MBNL1: variants seen among roughly 807,000 people sequenced by gnomAD.
MBNL1 encodes muscleblind like splicing regulator 1.
A neutral mutation model predicts 42.2 loss-of-function variants in MBNL1; 8 were observed. The observed-to-expected ratio is 0.19, with a 90% confidence interval of 0.11 to 0.34. MBNL1 has a LOEUF of 0.34. MBNL1 is among the 10% of genes least tolerant of loss of function. MBNL1 has a pLI of 1.00. For synonymous variants in MBNL1, 169 were observed against 173.9 expected (o/e 0.97, Z 0.22); for missense variants, 309 against 495.3 (o/e 0.62, Z 3.57).
chr3:152,325,940 C>T (rs186571169), intron 2 of MBNL1, among the ~76,000 whole-genome samples: 11 of 152,082 alleles, frequency 7.2e-5, no homozygotes, highest in African/African-American at 9.6e-5. Flanking sequence ...TGCATGTATC[C>T]GTATGTGCAT....
intron 1 of MBNL1, among the ~76,000 whole-genome samples, chr3:152,272,611 A>G (rs2042557217): frequency 6.6e-6 from 1 of 152,080 alleles, no homozygotes; most frequent in Non-Finnish European, 1.5e-5. Flanking sequence ...TCCTGAGCAA[A>G]TGTTAATAAA....
chr3:152,350,106 C>CCAG (rs2094784826), intron 2 of MBNL1, among the ~76,000 whole-genome samples: 1 of 151,944 alleles, frequency 6.6e-6, no homozygotes, highest in Non-Finnish European at 1.5e-5. Context: ...CTCTCTATAA[C>CCAG]CAGCAGTCAG....
chr3:152,381,190 A>T (rs927630933), intron 2 of MBNL1, among the ~76,000 whole-genome samples: 7 of 152,066 alleles, frequency 4.6e-5, no homozygotes, highest in Non-Finnish European at 1.0e-4. Context: ...GTTACTTGTA[A>T]CAAAGACTGG....
intron 2 of MBNL1, among the ~76,000 whole-genome samples, chr3:152,409,051 T>G (rs145384942): frequency 6.6e-6 from 1 of 152,302 alleles, no homozygotes; most frequent in African/African-American, 2.4e-5. Flanking sequence ...AGAGCAACAA[T>G]ATACTTCGTG....
intron 2 of MBNL1, among the ~76,000 whole-genome samples, chr3:152,412,046 A>G (rs2098593499): frequency 6.6e-6 from 1 of 152,184 alleles, no homozygotes; most frequent in Non-Finnish European, 1.5e-5. Context: ...GGGCTCAGAG[A>G]TGGATGAAGC....
Position 152,464,663 on chromosome 3 carries a change from TAATC to T in MBNL1, c.*2301_*2304del, listed in dbSNP as rs1436310897. 2 of 152,580 alleles carry T rather than the reference TAATC, an allele frequency of 1.3e-5. No homozygotes were observed. Among genetic ancestry groups the T allele is most frequent in the African/African-American group, 4.8e-5 (2 of 41,456 alleles). The allele number at this position is 152,580 out of a possible 1,614,324, so 9.5% of individuals were successfully genotyped here. On this transcript the variant is annotated 3_prime_UTR_variant, in exon 10 of 10. Coordinates refer to ENST00000324210, the MANE Select transcript of MBNL1 (RefSeq NM_021038.5). ...CAGGCCTTGTTATAAATAAGCTGCA[TAATC>T]AATAAATAGAACAAGGGACTTTTTG...
At chr3:152,438,041 A>G (rs2099101954) in intron 4 of MBNL1, among the ~76,000 whole-genome samples, 2 of 152,168 alleles carry the variant, frequency 1.3e-5, no homozygotes, top group Non-Finnish European at 2.9e-5. Flanking sequence ...AAATCTGTAG[A>G]GTCTAGGAAA....
Position 152,300,045 on chromosome 3 carries a change from T to C in MBNL1, c.-149T>C, listed in dbSNP as rs189258831. The C allele has an allele frequency of 1.5e-3, 810 of 528,232 alleles. 4 individuals carry two copies. Among genetic ancestry groups the C allele is most frequent in the South Asian group, 0.012 (399 of 33,962 alleles). 32.7% of individuals were successfully genotyped at this position (528,232 alleles called of 1,614,324 possible). A position where few individuals can be genotyped will look rare whatever the true frequency, so the allele number is the denominator to read the frequency against. ...TTGATATTGACGACACAATTTTCCA[T>C]GTACTTTTAAAGCAGGGAGTGGGGA... On this transcript the variant is annotated 5_prime_UTR_variant, in exon 2 of 10. An upstream start codon of the reference 5' UTR is lost. Coordinates refer to ENST00000324210, the MANE Select transcript of MBNL1 (RefSeq NM_021038.5).
intron 2 of MBNL1, chr3:152,396,173 C>G: frequency 2.7e-6 from 1 of 368,686 alleles, no homozygotes; most frequent in Non-Finnish European, 5.5e-6. Flanking sequence ...CCAGATAGGA[C>G]CATCTAGTTG....
chr3:152,418,959 G>T (rs189409571), intron 3 of MBNL1, among the ~76,000 whole-genome samples: 13 of 151,786 alleles, frequency 8.6e-5, no homozygotes, highest in African/African-American at 2.4e-4. Context: ...CTTGTGATCC[G>T]CCTGCCACAG....
intron 1 of MBNL1, among the ~76,000 whole-genome samples, chr3:152,297,025 G>A (rs2058797172): frequency 6.6e-6 from 1 of 152,142 alleles, no homozygotes; most frequent in Non-Finnish European, 1.5e-5. Flanking sequence ...GGATAGAGAT[G>A]GGGATAATGA....
intron 2 of MBNL1, chr3:152,396,163 C>T: frequency 2.8e-6 from 1 of 362,714 alleles, no homozygotes; most frequent in Non-Finnish European, 5.6e-6. Context: ...CCTGTCACCC[C>T]CAGATAGGAC....
rs1426813150 is a variant in MBNL1, at chr3:152,384,192, G to A, written c.175-30749G>A. On this transcript the variant is annotated intron_variant, in intron 2 of 9. Transcript: ENST00000324210. Reference sequence around the variant, plus strand: ...ACTTTGGGAAGGGTGATCCATGGAGGCAGAATGTACCAAACTGCCTAGAGG... The same window carrying A: ...ACTTTGGGAAGGGTGATCCATGGAGACAGAATGTACCAAACTGCCTAGAGG... Among the ~76,000 whole-genome samples the A allele has an allele frequency of 3.3e-5, 5 of 152,198 alleles. No homozygotes were observed. In the East Asian group the frequency reaches 9.6e-4, roughly 29 times the overall value.
chr3:152,433,282 G>C (rs1167011435), intron 4 of MBNL1, among the ~76,000 whole-genome samples: 4 of 152,042 alleles, frequency 2.6e-5, no homozygotes, highest in African/African-American at 9.7e-5. Context: ...TGTTGTTGTT[G>C]TTGCAGCTAT....
intron 2 of MBNL1, among the ~76,000 whole-genome samples, chr3:152,342,622 C>T (rs1023538807): frequency 5.3e-5 from 8 of 150,932 alleles, no homozygotes; most frequent in Non-Finnish European, 8.9e-5. Flanking sequence ...AAGCAAAACT[C>T]GTGCTCTTTC....
At chr3:152,447,443 CTTT>C (rs759856709) in intron 5 of MBNL1, among the ~76,000 whole-genome samples, 174 bp from the exon 6 acceptor site, 4 of 133,776 alleles carry the variant, frequency 3.0e-5, no homozygotes, top group African/African-American at 1.1e-4. Flanking sequence ...TTTTATCTTG[CTTT>C]TTTTTTTTTT....
At position 152,335,025 on chromosome 3, in the gene MBNL1, C is replaced by G. The variant is rs186791931; in HGVS notation, c.174+34658C>G. On this transcript the variant is annotated intron_variant, in intron 2 of 9. Coordinates refer to ENST00000324210, the MANE Select transcript of MBNL1 (RefSeq NM_021038.5). ...AGGAGATGGGTCTAAATGGTCTGCT[C>G]CAGCTTCTGCTGCTGCTGCTGCTGC... 5.9e-6 allele frequency: 7 copies of G among 1,182,694 alleles called. No homozygotes were observed. The East Asian group carries it at 3.5e-4, about 58-fold the overall frequency. 73.3% of individuals were successfully genotyped at this position (1,182,694 alleles called of 1,614,324 possible).
chr3:152,360,724 T>A (rs1385069229), intron 2 of MBNL1, among the ~76,000 whole-genome samples: 1 of 152,158 alleles, frequency 6.6e-6, no homozygotes, highest in Non-Finnish European at 1.5e-5. Flanking sequence ...CAACAAAAAT[T>A]ATAATACTAG....
intron 6 of MBNL1, among the ~76,000 whole-genome samples, chr3:152,452,211 T>C (rs1162737084): frequency 6.6e-6 from 1 of 152,238 alleles, no homozygotes; most frequent in African/African-American, 2.4e-5. Context: ...TTATGCATAA[T>C]TTAGGATCTA....
Sources: allele counts gnomAD v4.1 joint callset (sites outside exome capture counted in the v4.1 genomes callset), GRCh38; gene constraint gnomAD v4.1.1; transcripts MANE v1.5; gene names NCBI Gene and HGNC (gene_info 2026-07-23, HGNC 2026-07-21).